The following NBAS variants were observed in gnomAD, a reference collection of about 807,000 sequenced individuals.
NBAS encodes NAG/BC035112 fusion.
In NBAS, 219 loss-of-function variants were observed where a neutral mutation model predicts 302.5. The observed-to-expected ratio is 0.72, with a 90% CI of 0.65 to 0.81. The LOEUF (loss-of-function observed/expected upper bound fraction) is 0.81. Among genes scored for constraint, NBAS ranks in the 30% least tolerant of loss-of-function variants. The pLI, the probability that NBAS is intolerant of heterozygous loss-of-function variation, is 0.00. For synonymous variants in NBAS, 1,118 were observed against 1,021.6 expected (o/e 1.09, Z -1.80); for missense variants, 2,932 against 2,841.6 (o/e 1.03, Z -0.72).
intron 21 of NBAS, among the ~76,000 whole-genome samples, chr2:15,451,618 G>T (rs186935514): frequency 5.3e-5 from 8 of 152,122 alleles, no homozygotes; most frequent in Admixed American, 3.9e-4. Flanking sequence ...AATCAAATTT[G>T]TTCTACTGGA....
chr2:15,349,056 T>C (rs1009257562), intron 35 of NBAS, among the ~76,000 whole-genome samples: 5 of 152,244 alleles, frequency 3.3e-5, no homozygotes, highest in Non-Finnish European at 5.9e-5. Context: ...GAAAACTCTA[T>C]AAAATAACAC....
At chr2:15,310,522 T>C (rs10206116) in intron 38 of NBAS, among the ~76,000 whole-genome samples, 85,120 of 152,100 alleles carry the variant, frequency 0.56, 25,284 homozygotes, top group East Asian at 0.85. Flanking sequence ...GAACCAGACA[T>C]TGCCTTATGA....
At chr2:14,898,171 T>C in the NBAS span, among the ~76,000 whole-genome samples, 1 of 152,230 alleles carries the variant, frequency 6.6e-6, no homozygotes, top group East Asian at 1.9e-4. Flanking sequence ...ACTGCCTTTT[T>C]ATTGATTTTG....
At chr2:15,417,406 T>A in intron 24 of NBAS, 121 bp downstream of exon 24, 2 of 870,506 alleles carry the variant, frequency 2.3e-6, no homozygotes, top group Non-Finnish European at 3.5e-6. Context: ...AAAAAGTCAA[T>A]CTTTATTTAC....
Position 15,511,585 on chromosome 2 carries a change from G to A in NBAS, c.747-235C>T, listed in dbSNP as rs145251574. On this transcript the variant is annotated intron_variant, in intron 9 of 51. Coordinates refer to ENST00000281513, the MANE Select transcript of NBAS (RefSeq NM_015909.4). ...TATTCAGGCACCTGAAATGCAGGTGGGAACTTAGAAATGAAGAAAAAAATT... is the reference window on the plus strand; with the variant it reads ...TATTCAGGCACCTGAAATGCAGGTGAGAACTTAGAAATGAAGAAAAAAATT... Among the ~76,000 whole-genome samples the A allele has an allele frequency of 7.2e-5, 11 of 152,096 alleles. 1 individual carries two copies. In the South Asian group the frequency reaches 1.5e-3, roughly 20 times the overall value.
chr2:15,442,864 A>C (rs940462956), intron 21 of NBAS, among the ~76,000 whole-genome samples: 1 of 152,016 alleles, frequency 6.6e-6, no homozygotes, highest in African/African-American at 2.4e-5. Flanking sequence ...ATCAGAGAAT[A>C]CTACAAACAC....
At chr2:15,001,633 G>T in the NBAS span, among the ~76,000 whole-genome samples, 1 of 152,138 alleles carries the variant, frequency 6.6e-6, no homozygotes, top group African/African-American at 2.4e-5. Flanking sequence ...ATTGTGTCCA[G>T]AATTTGTGGG....
At chr2:15,046,503 A>G in the NBAS span, among the ~76,000 whole-genome samples, 8 of 152,206 alleles carry the variant, frequency 5.3e-5, no homozygotes, top group Non-Finnish European at 1.2e-4. Context: ...TTCCTGAAGC[A>G]ATTATAATGA....
chr2:14,880,843 T>C, the NBAS span, among the ~76,000 whole-genome samples: 67 of 152,006 alleles, frequency 4.4e-4, no homozygotes, highest in African/African-American at 1.4e-3. Context: ...AAATTTACTC[T>C]GAATGGTCAA....
At chr2:15,058,838 G>T in the NBAS span, among the ~76,000 whole-genome samples, 1 of 152,154 alleles carries the variant, frequency 6.6e-6, no homozygotes, top group Non-Finnish European at 1.5e-5. Context: ...CTGACTATTT[G>T]TTGACTTGTG....
At chr2:14,810,522 C>T in the NBAS span, among the ~76,000 whole-genome samples, 1 of 152,192 alleles carries the variant, frequency 6.6e-6, no homozygotes, top group African/African-American at 2.4e-5. Context: ...CCATGTGGAA[C>T]TATAAGTCCA....
chr2:15,455,934 C>G (rs1363899706), intron 21 of NBAS, among the ~76,000 whole-genome samples: 1 of 152,008 alleles, frequency 6.6e-6, no homozygotes, highest in African/African-American at 2.4e-5. Flanking sequence ...CCAAAAAATA[C>G]CCCACTGCCA....
intron 11 of NBAS, among the ~76,000 whole-genome samples, chr2:15,498,187 G>T (rs1364624601): frequency 1.3e-5 from 2 of 152,080 alleles, no homozygotes; most frequent in Non-Finnish European, 2.9e-5. Flanking sequence ...TCTCTGGAGG[G>T]CCCATAAAAG....
intron 35 of NBAS, among the ~76,000 whole-genome samples, chr2:15,340,882 A>C (rs554400149): frequency 1.3e-5 from 2 of 152,286 alleles, no homozygotes; most frequent in South Asian, 2.1e-4. Context: ...CTTCGCAACA[A>C]GAGGTCACTG....
At chr2:15,096,112 A>G in the NBAS span, among the ~76,000 whole-genome samples, 2 of 152,224 alleles carry the variant, frequency 1.3e-5, no homozygotes, top group Non-Finnish European at 2.9e-5. Context: ...CAGTTCCATC[A>G]ACCCAGTCTT....
intron 38 of NBAS, among the ~76,000 whole-genome samples, chr2:15,317,799 A>G (rs1671584918): frequency 6.6e-6 from 1 of 152,240 alleles, no homozygotes; most frequent in South Asian, 2.1e-4. Flanking sequence ...GACGGGGAGA[A>G]TGGAAACAAG....
At chr2:14,937,025 G>A in the NBAS span, among the ~76,000 whole-genome samples, 1 of 152,210 alleles carries the variant, frequency 6.6e-6, no homozygotes, top group South Asian at 2.1e-4. Flanking sequence ...TAAACTCCTA[G>A]AAGAAGCTAC....
At chr2:15,078,512 C>T in the NBAS span, among the ~76,000 whole-genome samples, 28 of 152,266 alleles carry the variant, frequency 1.8e-4, no homozygotes, top group South Asian at 5.6e-3. Context: ...GAAGCGCTTC[C>T]ATTTGGCACT....
chr2:15,235,036 G>A (rs975602575), intron 45 of NBAS, among the ~76,000 whole-genome samples: 2 of 152,184 alleles, frequency 1.3e-5, no homozygotes, highest in African/African-American at 4.8e-5. Context: ...AGAGGGTGTT[G>A]TGAACATTAA....
Sources: allele counts gnomAD v4.1 joint callset (sites outside exome capture counted in the v4.1 genomes callset), GRCh38; gene constraint gnomAD v4.1.1; transcripts MANE v1.5; gene names NCBI Gene and HGNC (gene_info 2026-07-23, HGNC 2026-07-21).